FBLN7: variants seen among roughly 807,000 people sequenced by gnomAD.
FBLN7 encodes fibulin 7.
FBLN7 carries 31 observed loss-of-function variants against 44.0 expected under a neutral mutation model. The ratio of observed to expected loss-of-function variants is 0.70; its 90% CI spans 0.53 to 0.95. The LOEUF (loss-of-function observed/expected upper bound fraction) is 0.95. Ranked by LOEUF, FBLN7 falls within the 40% of genes least tolerant of loss-of-function variation. The pLI is 0.00. For missense variants in FBLN7, 573 were observed against 618.5 expected (o/e 0.93, Z 0.78); for synonymous variants, 262 against 253.4 (o/e 1.03, Z -0.32).
chr2:112,138,492 G>C lies in FBLN7; in HGVS notation c.-164G>C. 1.2e-6 allele frequency: 1 copy of C among 840,082 alleles called. No individual in the cohort carries two copies. The highest frequency in any genetic ancestry group is 1.6e-6 in the Non-Finnish European group (1 of 622,456). The allele number at this position is 840,082 out of a possible 1,614,324, so 52.0% of individuals were successfully genotyped here. On this transcript the variant is annotated 5_prime_UTR_variant, in exon 1 of 8. Transcript: ENST00000331203. The stretch of plus-strand genomic sequence containing the variant: ...GCCCGGGCGGCGCCGATCCCCGCGG[G>C]ACGCGCTGCGCTCGGGGCCTCCCGC...
At chr2:112,234,016 C>A in the FBLN7 span, 2 of 655,610 alleles carry the variant, frequency 3.1e-6, no homozygotes, top group Admixed American at 4.0e-5. Flanking sequence ...GATTTTTTTC[C>A]AGAATGAAAC....
Position 112,182,801 on chromosome 2 carries a change from G to A in FBLN7, c.681G>A (p.Glu227=), listed in dbSNP as rs762092531. The change falls in exon 6 of 8, where the codon GAG becomes GAA. Residue 227 remains glutamate (E), a synonymous_variant. Coordinates refer to ENST00000331203, the MANE Select transcript of FBLN7 (RefSeq NM_153214.3). The part of the protein sequence containing the change: ...AGDSVCQDVN[E]CELYGQEGRP... ...CACTTCTGTCTGCAGACGTGAACGAGTGTGAGCTCTACGGGCAGGAGGGGC... is the reference window on the plus strand; with the variant it reads ...CACTTCTGTCTGCAGACGTGAACGAATGTGAGCTCTACGGGCAGGAGGGGC... 2 of 1,606,410 alleles carry A rather than the reference G, an allele frequency of 1.2e-6. No individual in the cohort carries two copies. The highest frequency in any genetic ancestry group is 1.3e-5 in the African/African-American group (1 of 74,794).
chr2:112,227,391 G>A, the FBLN7 span, among the ~76,000 whole-genome samples: 133 of 152,308 alleles, frequency 8.7e-4, 1 homozygote, highest in East Asian at 0.024. Flanking sequence ...CGGGCGTGGT[G>A]GCAGATGCCT....
At chr2:112,165,194 C>T in intron 3 of FBLN7, 23 bp downstream of exon 3, 1 of 1,612,786 alleles carries the variant, frequency 6.2e-7, no homozygotes, top group Non-Finnish European at 8.5e-7. Flanking sequence ...CTTCCCATCC[C>T]ACTGCGCTGG....
chr2:112,159,876 A>T (rs1416616043), intron 2 of FBLN7, 41 bp downstream of exon 2: 2 of 1,457,922 alleles, frequency 1.4e-6, no homozygotes, highest in Non-Finnish European at 1.8e-6. Context: ...GCAGCGCAGC[A>T]CTCGAGCACT....
At chr2:112,160,675 C>CACGCACGCACACACACAA (rs1681725725) in intron 2 of FBLN7, among the ~76,000 whole-genome samples, 1 of 147,466 alleles carries the variant, frequency 6.8e-6, no homozygotes, top group African/African-American at 2.5e-5. Flanking sequence ...CACACGCACA[C>CACGCACGCACACACACAA]GCAGACGCAC....
At chr2:112,169,344 C>G (rs1323998138) in intron 3 of FBLN7, among the ~76,000 whole-genome samples, 2 of 152,146 alleles carry the variant, frequency 1.3e-5, no homozygotes, top group Non-Finnish European at 2.9e-5. Context: ...GACTCCAGAA[C>G]TCCAGAGTGG....
chr2:112,224,459 G>A, the FBLN7 span, among the ~76,000 whole-genome samples: 1 of 152,158 alleles, frequency 6.6e-6, no homozygotes, highest in Non-Finnish European at 1.5e-5. Flanking sequence ...TGTATTCAGT[G>A]GGGAAAATAT....
At chr2:112,143,365 A>G (rs1441288631) in intron 1 of FBLN7, among the ~76,000 whole-genome samples, 15 of 151,982 alleles carry the variant, frequency 9.9e-5, no homozygotes, top group Non-Finnish European at 1.5e-5. Context: ...GCTCCCGGCC[A>G]CCTCCTCGCC....
chr2:112,232,559 C>A, the FBLN7 span, among the ~76,000 whole-genome samples: 1 of 152,056 alleles, frequency 6.6e-6, no homozygotes, highest in Non-Finnish European at 1.5e-5. Flanking sequence ...TAAATGTGAT[C>A]ATTTTTAAAG....
At chr2:112,159,923 C>G in intron 2 of FBLN7, 88 bp downstream of exon 2, 1 of 1,166,792 alleles carries the variant, frequency 8.6e-7, no homozygotes, top group South Asian at 2.3e-5. Flanking sequence ...CCCCTCGTCA[C>G]CCCTCACCCT....
At chr2:112,196,076 T>G in the FBLN7 span, among the ~76,000 whole-genome samples, 1 of 152,102 alleles carries the variant, frequency 6.6e-6, no homozygotes, top group African/African-American at 2.4e-5. Context: ...CCCCACTCAG[T>G]GTGGAGGTTG....
At chr2:112,144,683 C>T (rs1271791722) in intron 1 of FBLN7, among the ~76,000 whole-genome samples, 4 of 152,020 alleles carry the variant, frequency 2.6e-5, no homozygotes, top group Non-Finnish European at 5.9e-5. Flanking sequence ...CCCGCCACCA[C>T]GCCCAGCTAA....
At chr2:112,180,589 A>G (rs532991761) in intron 4 of FBLN7, among the ~76,000 whole-genome samples, 1 of 152,324 alleles carries the variant, frequency 6.6e-6, no homozygotes, top group Admixed American at 6.5e-5. Context: ...CATGGAACCA[A>G]CCTAAATGCT....
At chr2:112,214,043 T>A in the FBLN7 span, 1 of 144,564 alleles carries the variant, frequency 6.9e-6, no homozygotes, top group Non-Finnish European at 1.5e-5. Flanking sequence ...CCCCCTGGGG[T>A]TCACACCATT....
At chr2:112,234,688 T>C in the FBLN7 span, among the ~76,000 whole-genome samples, 6 of 151,762 alleles carry the variant, frequency 4.0e-5, no homozygotes, top group Non-Finnish European at 5.9e-5. Context: ...TAAGCCCAGC[T>C]ACTCTAGAGG....
chr2:112,160,848 G>GCA lies in FBLN7; in HGVS notation c.235+1031_235+1032dup, dbSNP rs71826516. 5.4e-3 allele frequency among the ~76,000 whole-genome samples: 805 copies of GCA among 148,148 alleles called. 3 individuals carry two copies. Among genetic ancestry groups the GCA allele is most frequent in the East Asian group, 0.016 (81 of 5,010 alleles). On this transcript the variant is annotated intron_variant, in intron 2 of 7. Coordinates refer to ENST00000331203, the MANE Select transcript of FBLN7 (RefSeq NM_153214.3). ...AGCACGCATACACGCACGCACACGC[G>GCA]CACACACACACACACACACTCAGCC...
chr2:112,181,875 G>T lies in FBLN7; in HGVS notation c.669G>T (p.Gln223His). ...GCGCCGCCGGCGACAGCGTCTGCCA[G>T]GGTAGGCGCGGGCTCCGCCAGGACA... ...LSGAAGDSVC[Q>H]DVNECELYGQ... The change falls in exon 5 of 8, where the codon CAG becomes CAT. Residue 223 changes from glutamine to histidine, a missense_variant and splice_region_variant. Gln to His is a conservative substitution (Grantham distance 24). Coordinates refer to ENST00000331203, the MANE Select transcript of FBLN7 (RefSeq NM_153214.3). 6.5e-7 allele frequency: 1 copy of T among 1,533,074 alleles called. No homozygotes were observed. The highest frequency in any genetic ancestry group is 1.2e-5 in the South Asian group (1 of 84,436). 95.0% of individuals were successfully genotyped at this position (1,533,074 alleles called of 1,614,324 possible).
chr2:112,164,157 T>C (rs1682015768), intron 2 of FBLN7, among the ~76,000 whole-genome samples: 1 of 152,240 alleles, frequency 6.6e-6, no homozygotes, highest in African/African-American at 2.4e-5. Flanking sequence ...TTGTCTATTT[T>C]GTTCATGGAT....
Sources: gnomAD v4.1 joint callset for allele counts (sites outside exome capture counted in the v4.1 genomes callset) on GRCh38, gnomAD v4.1.1 for gene constraint, MANE v1.5 for transcripts, NCBI Gene and HGNC (gene_info 2026-07-23, HGNC 2026-07-21) for gene names.